KCNQ1OT1: variants seen among roughly 807,000 people sequenced by gnomAD.
The protein encoded by KCNQ1OT1 is KCNQ1 antisense RNA 2 (non-protein coding).
rs1850221919 is a variant in KCNQ1OT1 at position 2,673,368 on chromosome 11, G to C, written n.26627C>G. On this transcript the variant is annotated non_coding_transcript_exon_variant, in exon 1 of 1. Transcript: ENST00000597346. The surrounding 1 kb of genome is among the most constrained non-coding windows in gnomAD (Gnocchi z 4.5). ...CATTAGCAAACAAAGGGAAGTGACAGAGCAGAGCTCCCCTTGGCCTTTGTT... is the reference window on the plus strand; with the variant it reads ...CATTAGCAAACAAAGGGAAGTGACACAGCAGAGCTCCCCTTGGCCTTTGTT... 2.5e-6 allele frequency: 1 copy of C among 398,606 alleles called. No homozygotes were observed. Among genetic ancestry groups the C allele is most frequent in the Non-Finnish European group, 4.4e-6 (1 of 226,104 alleles). 24.7% of individuals were successfully genotyped at this position (398,606 alleles called of 1,614,324 possible). A position where few individuals can be genotyped will look rare whatever the true frequency, so the allele number is the denominator to read the frequency against.
Position 2,679,126 on chromosome 11 carries a change from A to G in KCNQ1OT1, n.20869T>C. The G allele has an allele frequency of 2.5e-6, 1 of 398,654 alleles. No individual in the cohort carries two copies. The highest frequency in any genetic ancestry group is 4.4e-6 in the Non-Finnish European group (1 of 226,076). The allele number at this position is 398,654 out of a possible 1,614,324, so 24.7% of individuals were successfully genotyped here. A position where few individuals can be genotyped will look rare whatever the true frequency, so the allele number is the denominator to read the frequency against. On this transcript the variant is annotated non_coding_transcript_exon_variant, in exon 1 of 1. Coordinates refer to ENST00000597346, the Ensembl canonical transcript of KCNQ1OT1. The surrounding 1 kb of genome is among the most constrained non-coding windows in gnomAD (Gnocchi z 4.8). Reference sequence around the variant, plus strand: ...AGTGCTGTTATAAGCTGTGCAGGCCAAAATGGTTTCATGGCATGAGTTGGG... The same window carrying G: ...AGTGCTGTTATAAGCTGTGCAGGCCGAAATGGTTTCATGGCATGAGTTGGG...
rs1231792167 is a variant in KCNQ1OT1 at position 2,626,009 on chromosome 11, A to G, written n.73986T>C. 2 of 398,478 alleles carry G rather than the reference A, an allele frequency of 5.0e-6. No individual in the cohort carries two copies. The highest frequency in any genetic ancestry group is 8.8e-6 in the Non-Finnish European group (2 of 226,056). The allele number at this position is 398,478 out of a possible 1,614,324, so 24.7% of individuals were successfully genotyped here. ...TGTAGGTTGTCTTATTGCTTAGTTG[A>G]TATTATTTTAATGCACACAATGTAA... On this transcript the variant is annotated non_coding_transcript_exon_variant, in exon 1 of 1. Transcript: ENST00000597346. The surrounding 1 kb of genome is among the most constrained non-coding windows in gnomAD (Gnocchi z 4.0).
At chr11:2,628,530 T>C (rs1849297430) in exon 1 of KCNQ1OT1, 1 of 398,372 alleles carries the variant, frequency 2.5e-6, no homozygotes, top group Admixed American at 4.4e-5. Context: ...TCCTTATATA[T>C]ATTGGATATT....
At chr11:2,622,844 G>A (rs1849197820) in exon 1 of KCNQ1OT1, 1 of 398,480 alleles carries the variant, frequency 2.5e-6, no homozygotes, top group Non-Finnish European at 4.4e-6. Context: ...CCACCAGAGT[G>A]GCACGTTTGT....
exon 1 of KCNQ1OT1, chr11:2,655,404 G>C (rs1370155414): frequency 5.0e-6 from 2 of 398,574 alleles, no homozygotes; most frequent in Admixed American, 4.4e-5. Flanking sequence ...CCAGGATGCT[G>C]TGCTCTTTGT....
At chr11:2,614,967 C>T (rs74883319) in exon 1 of KCNQ1OT1, 6,566 of 398,386 alleles carry the variant, frequency 0.016, 278 homozygotes, top group East Asian at 0.11. Context: ...TGCATTGAAT[C>T]TGTAGATCAC....
chr11:2,650,172 C>A (rs1849735330), exon 1 of KCNQ1OT1: 2 of 398,386 alleles, frequency 5.0e-6, no homozygotes, highest in Non-Finnish European at 8.8e-6. Flanking sequence ...CTGGATTTCC[C>A]ATTTAGATAA....
chr11:2,637,488 G>A (rs1313453481), exon 1 of KCNQ1OT1: 2 of 152,228 alleles, frequency 1.3e-5, no homozygotes, highest in Admixed American at 1.3e-4. Context: ...ATGTCGTTGA[G>A]CGGTTTTGAG....
exon 1 of KCNQ1OT1, chr11:2,616,203 T>G: frequency 2.6e-6 from 1 of 385,476 alleles, no homozygotes; most frequent in Admixed American, 4.5e-5. Flanking sequence ...TTCCCACTTT[T>G]GTTTTTTTTT....
Position 2,698,952 on chromosome 11 carries a change from T to C in KCNQ1OT1, n.1043A>G. On this transcript the variant is annotated non_coding_transcript_exon_variant, in exon 1 of 1. Coordinates refer to ENST00000597346, the Ensembl canonical transcript of KCNQ1OT1. This position sits in a 1 kb window ranked among gnomAD's most constrained non-coding sequence, Gnocchi z 5.1. ...ACCCGAATTCTGATCCCAACTAGGA[T>C]ACCTAACTCAGAACCACAACGGGGA... The C allele has an allele frequency of 2.5e-6, 1 of 398,532 alleles. No individual in the cohort carries two copies. Among genetic ancestry groups the C allele is most frequent in the Non-Finnish European group, 4.4e-6 (1 of 226,072 alleles). 24.7% of individuals were successfully genotyped at this position (398,532 alleles called of 1,614,324 possible). A position where few individuals can be genotyped will look rare whatever the true frequency, so the allele number is the denominator to read the frequency against.
chr11:2,640,876 C>G (rs1849565480), exon 1 of KCNQ1OT1: 1 of 399,646 alleles, frequency 2.5e-6, no homozygotes, highest in South Asian at 1.3e-4. Context: ...TACTCTCTAC[C>G]TCCATGAGAT....
chr11:2,650,508 T>G, exon 1 of KCNQ1OT1: 1 of 398,672 alleles, frequency 2.5e-6, no homozygotes, highest in Middle Eastern at 6.3e-4. Flanking sequence ...TACAATTAAT[T>G]AGACTATAAT....
At position 2,613,477 on chromosome 11, in the gene KCNQ1OT1, G is replaced by C. The variant is rs879163066; in HGVS notation, n.86518C>G. The C allele has an allele frequency of 2.5e-6, 1 of 398,398 alleles. No homozygotes were observed. The highest frequency in any genetic ancestry group is 4.4e-5 in the Admixed American group (1 of 22,696). 24.7% of individuals were successfully genotyped at this position (398,398 alleles called of 1,614,324 possible). A position where few individuals can be genotyped will look rare whatever the true frequency, so the allele number is the denominator to read the frequency against. On this transcript the variant is annotated non_coding_transcript_exon_variant, in exon 1 of 1. Coordinates refer to ENST00000597346, the Ensembl canonical transcript of KCNQ1OT1. The surrounding 1 kb of genome is among the most constrained non-coding windows in gnomAD (Gnocchi z 4.8). ...AATCAGATGAGCCTTCTTTGTTGCT[G>C]GTCCTCAAGCCTACCGTGCCCCTGA... is the stretch of plus-strand genomic sequence containing the variant.
At position 2,657,366 on chromosome 11, in the gene KCNQ1OT1, A is replaced by C. The variant is rs1468132302; in HGVS notation, n.42629T>G. The C allele has an allele frequency of 5.0e-6, 2 of 398,442 alleles. No homozygotes were observed. The highest frequency in any genetic ancestry group is 4.4e-5 in the Admixed American group (1 of 22,724). 24.7% of individuals were successfully genotyped at this position (398,442 alleles called of 1,614,324 possible). A position where few individuals can be genotyped will look rare whatever the true frequency, so the allele number is the denominator to read the frequency against. Reference sequence around the variant, plus strand: ...AATGAAGGCATATTTCTCCATTTATATCTTCTTCATTGTCTCTTACTAAAG... The same window carrying C: ...AATGAAGGCATATTTCTCCATTTATCTCTTCTTCATTGTCTCTTACTAAAG... On this transcript the variant is annotated non_coding_transcript_exon_variant, in exon 1 of 1. Coordinates refer to ENST00000597346, the Ensembl canonical transcript of KCNQ1OT1. This position sits in a 1 kb window ranked among gnomAD's most constrained non-coding sequence, Gnocchi z 4.8.
exon 1 of KCNQ1OT1, chr11:2,694,163 C>T (rs929618839): frequency 2.0e-5 from 8 of 398,544 alleles, no homozygotes; most frequent in African/African-American, 4.1e-5. Flanking sequence ...GAAGAGGGTA[C>T]TCTGATTGGC....
In KCNQ1OT1 at chr11:2,654,074, C is replaced by T. The variant is rs1196452224; in HGVS notation, n.45921G>A. ...GTTGTGGGAATGGCTTTTACACTTTCCATCCATGTCCCTTACTTCTCGCCT... is the reference window on the plus strand; with the variant it reads ...GTTGTGGGAATGGCTTTTACACTTTTCATCCATGTCCCTTACTTCTCGCCT... On this transcript the variant is annotated non_coding_transcript_exon_variant, in exon 1 of 1. Coordinates refer to ENST00000597346, the Ensembl canonical transcript of KCNQ1OT1. This position sits in a 1 kb window ranked among gnomAD's most constrained non-coding sequence, Gnocchi z 6.4. The T allele has an allele frequency of 2.5e-6, 1 of 398,744 alleles. No individual in the cohort carries two copies. The highest frequency in any genetic ancestry group is 2.1e-5 in the African/African-American group (1 of 48,778). 24.7% of individuals were successfully genotyped at this position (398,744 alleles called of 1,614,324 possible). A position where few individuals can be genotyped will look rare whatever the true frequency, so the allele number is the denominator to read the frequency against.
rs1409672925 is a variant in KCNQ1OT1 at position 2,657,644 on chromosome 11, T to A, written n.42351A>T. On this transcript the variant is annotated non_coding_transcript_exon_variant, in exon 1 of 1. Transcript: ENST00000597346. This position sits in a 1 kb window ranked among gnomAD's most constrained non-coding sequence, Gnocchi z 4.8. ...CACTATTAAGCTAGAGTTATAAATT[T>A]ATTTGGATTTCCCCAGTTTAACTAC... 1.8e-5 allele frequency: 7 copies of A among 398,490 alleles called. No homozygotes were observed. The East Asian group carries it at 2.5e-4, about 14-fold the overall frequency. 24.7% of individuals were successfully genotyped at this position (398,490 alleles called of 1,614,324 possible).
chr11:2,686,334 T>C (rs117438519), exon 1 of KCNQ1OT1: 5,780 of 398,706 alleles, frequency 0.014, 203 homozygotes, highest in East Asian at 0.096. Flanking sequence ...TCCCACCTGT[T>C]CCAAGCTGGG....
At position 2,657,526 on chromosome 11, in the gene KCNQ1OT1, C is replaced by G. The variant is rs779700352; in HGVS notation, n.42469G>C. The G allele has an allele frequency of 2.5e-6, 1 of 398,394 alleles. No homozygotes were observed. The highest frequency in any genetic ancestry group is 4.4e-5 in the Admixed American group (1 of 22,704). 24.7% of individuals were successfully genotyped at this position (398,394 alleles called of 1,614,324 possible). ...TACAGAAGAGAAACAAAAATAGTAC[C>G]GAGTACCCACATCCCTTTCACCAGC... On this transcript the variant is annotated non_coding_transcript_exon_variant, in exon 1 of 1. Transcript: ENST00000597346. The surrounding 1 kb of genome is among the most constrained non-coding windows in gnomAD (Gnocchi z 4.8).
Sources: gnomAD v4.1 joint callset for allele counts on GRCh38, gnomAD v4.1.1 for gene constraint, Gnocchi (gnomAD v3.1) non-coding constraint, MANE v1.5 for transcripts, NCBI Gene and HGNC (gene_info 2026-07-23, HGNC 2026-07-21) for gene names.